The following ZNRF3 variants were observed in gnomAD, a reference collection of about 807,000 sequenced individuals.
ZNRF3 encodes the protein zinc and ring finger 3.
In ZNRF3, 23 loss-of-function variants were observed where a neutral mutation model predicts 72.5. The ratio of observed to expected loss-of-function variants is 0.32; its 90% CI spans 0.23 to 0.45. The LOEUF (loss-of-function observed/expected upper bound fraction) is 0.45, where lower values mean the gene tolerates loss of function less well. Ranked by LOEUF, ZNRF3 falls within the 20% of genes least tolerant of loss-of-function variation. ZNRF3 has a pLI of 1.00. For missense variants in ZNRF3, 1,169 were observed against 1,272.1 expected (o/e 0.92, Z 1.23); for synonymous variants, 610 against 545.3 (o/e 1.12, Z -1.65).
At chr22:28,969,553 G>A (rs2035533561) in intron 1 of ZNRF3, among the ~76,000 whole-genome samples, 2 of 152,116 alleles carry the variant, frequency 1.3e-5, no homozygotes, top group Non-Finnish European at 2.9e-5. Flanking sequence ...CTGGCATGTG[G>A]GAGGAACAGC....
rs188868894 is a variant in ZNRF3 at position 28,889,101 on chromosome 22, C to T, written c.300+5035C>T. On this transcript the variant is annotated intron_variant, in intron 1 of 8. Transcript: ENST00000544604. ...CTGCACTCCGGCTTGGGTGACAGAG[C>T]GAGACCCCGTCTCAAAAAAAAAAGA... Among the ~76,000 whole-genome samples the T allele has an allele frequency of 4.6e-3, 689 of 151,364 alleles. 2 individuals carry two copies. The highest frequency in any genetic ancestry group is 0.014 in the African/African-American group (570 of 41,190).
intron 1 of ZNRF3, among the ~76,000 whole-genome samples, chr22:28,896,108 G>A (rs541794141): frequency 4.6e-5 from 7 of 151,044 alleles, no homozygotes; most frequent in East Asian, 3.9e-4. Flanking sequence ...CCACCATCAC[G>A]CCCGGCTAAT....
At chr22:28,940,623 C>T (rs920732868) in intron 1 of ZNRF3, among the ~76,000 whole-genome samples, 8 of 152,086 alleles carry the variant, frequency 5.3e-5, no homozygotes, top group Non-Finnish European at 1.2e-4. Flanking sequence ...TCTTGCCCTC[C>T]CCTTCAGAGG....
intron 1 of ZNRF3, among the ~76,000 whole-genome samples, chr22:28,912,538 G>C (rs557376119): frequency 3.9e-5 from 6 of 152,212 alleles, no homozygotes; most frequent in Admixed American, 3.9e-4. Context: ...AGGGGAGGGA[G>C]GCTGAGGCTC....
At chr22:28,888,914 G>A (rs574761816) in intron 1 of ZNRF3, among the ~76,000 whole-genome samples, 3 of 152,054 alleles carry the variant, frequency 2.0e-5, no homozygotes, top group South Asian at 2.1e-4. Flanking sequence ...TCAGGAGTTC[G>A]AGACCAGCCT....
At chr22:29,020,946 A>T (rs972005843) in intron 2 of ZNRF3, among the ~76,000 whole-genome samples, 2 of 151,756 alleles carry the variant, frequency 1.3e-5, no homozygotes, top group African/African-American at 4.8e-5. Context: ...ACAGGCACCC[A>T]CCACCACGCC....
Position 29,044,813 on chromosome 22 carries a change from C to T in ZNRF3, c.667C>T (p.Leu223=). The T allele has an allele frequency of 1.2e-6, 2 of 1,614,152 alleles. No individual in the cohort carries two copies. Among genetic ancestry groups the T allele is most frequent in the Non-Finnish European group, 1.7e-6 (2 of 1,180,006 alleles). The change falls in exon 5 of 9, where the codon CTG becomes TTG. Residue 223 remains leucine (L), a synonymous_variant. Transcript: ENST00000544604. ...PTEYFDMGIF[L]AFFVVVSLVC... is the part of the protein sequence containing the mutation. ...TGAATACTTTGACATGGGGATTTTCCTGGCTTTCTTCGTCGTGGTCTCCTT... is the reference window on the plus strand; with the variant it reads ...TGAATACTTTGACATGGGGATTTTCTTGGCTTTCTTCGTCGTGGTCTCCTT...
rs146556199 is a variant in ZNRF3 at position 28,890,784 on chromosome 22, G to T, written c.300+6718G>T. ...TCTCTCTCTTTTTTTTTTTGTCAGG[G>T]TCTCACCATGTTGCCCAGGCTAGAG... is the stretch of plus-strand genomic sequence containing the variant. On this transcript the variant is annotated intron_variant, in intron 1 of 8. Coordinates refer to ENST00000544604, the MANE Select transcript of ZNRF3 (RefSeq NM_001206998.2). Among the ~76,000 whole-genome samples, 11 of 150,794 alleles carry T rather than the reference G, an allele frequency of 7.3e-5. No homozygotes were observed. The East Asian group carries it at 1.8e-3, about 24-fold the overall frequency.
At chr22:28,917,650 A>G (rs909825641) in intron 1 of ZNRF3, among the ~76,000 whole-genome samples, 2 of 152,194 alleles carry the variant, frequency 1.3e-5, no homozygotes, top group Non-Finnish European at 2.9e-5. Context: ...CAGCCTGGGC[A>G]ATAGTGAGAC....
At chr22:28,964,788 C>G (rs79880979) in intron 1 of ZNRF3, among the ~76,000 whole-genome samples, 3,036 of 152,364 alleles carry the variant, frequency 0.02, 96 homozygotes, top group African/African-American at 0.069. Flanking sequence ...CCGCAGCTCA[C>G]GCTGCGGTCA....
At chr22:28,918,483 G>A (rs559560296) in intron 1 of ZNRF3, among the ~76,000 whole-genome samples, 2 of 151,340 alleles carry the variant, frequency 1.3e-5, no homozygotes, top group African/African-American at 4.9e-5. Context: ...TGCATGTGTG[G>A]GTGCGTGCGT....
intron 1 of ZNRF3, among the ~76,000 whole-genome samples, chr22:28,971,314 G>A (rs1255724754): frequency 2.0e-5 from 3 of 152,036 alleles, no homozygotes; most frequent in African/African-American, 4.8e-5. Flanking sequence ...TAATTCCAGT[G>A]CTGACCACTT....
chr22:29,042,674 G>A (rs1341823218), intron 3 of ZNRF3, 105 bp downstream of exon 3: 6 of 1,026,518 alleles, frequency 5.8e-6, no homozygotes, highest in East Asian at 2.5e-5. Flanking sequence ...CAGAGCATTT[G>A]CTCTTGTCTT....
intron 5 of ZNRF3, 77 bp from the exon 6 acceptor site, chr22:29,046,639 T>C (rs918393960): frequency 1.2e-5 from 16 of 1,385,800 alleles, no homozygotes; most frequent in African/African-American, 1.0e-4. Flanking sequence ...TCCCAGTGAA[T>C]CGTGTGTCAT....
chr22:29,010,763 A>G (rs558919709), intron 2 of ZNRF3, among the ~76,000 whole-genome samples: 1 of 152,154 alleles, frequency 6.6e-6, no homozygotes. Flanking sequence ...TCCGCCTCCC[A>G]GGTTCAAGCA....
At chr22:29,021,237 A>AAAT (rs955313042) in intron 2 of ZNRF3, among the ~76,000 whole-genome samples, 40 of 151,780 alleles carry the variant, frequency 2.6e-4, no homozygotes, top group South Asian at 8.3e-4. Flanking sequence ...TGTCTCAAAA[A>AAAT]AAATAAATAA....
At chr22:28,927,777 C>A (rs1048981117) in intron 1 of ZNRF3, among the ~76,000 whole-genome samples, 2 of 152,198 alleles carry the variant, frequency 1.3e-5, no homozygotes, top group Non-Finnish European at 2.9e-5. Context: ...TCCCTCCTTA[C>A]GGGAGCTCAG....
rs773344855 is a variant in ZNRF3, at chr22:29,049,219, G to T, written c.1038G>T (p.Ala346=). Residue 346 remains alanine (A), a synonymous_variant, in exon 8 of 9, where the codon GCG becomes GCT. Coordinates refer to ENST00000544604, the MANE Select transcript of ZNRF3 (RefSeq NM_001206998.2). The surrounding 1 kb of genome is among the most constrained non-coding windows in gnomAD (Gnocchi z 5.2). ...CAGAACAAAAGGGAAACCCAAGCGC[G>T]GTGTGTGTGGAGACCAGCAACCTCT... ...NIIEQKGNPS[A]VCVETSNLSR... is the part of the protein sequence containing the mutation. 2 of 1,606,956 alleles carry T rather than the reference G, an allele frequency of 1.2e-6. No individual in the cohort carries two copies. The highest frequency in any genetic ancestry group is 8.5e-7 in the Non-Finnish European group (1 of 1,175,836).
intron 1 of ZNRF3, among the ~76,000 whole-genome samples, chr22:28,906,985 C>CTTTTTTTTT (rs1367720454): frequency 7.1e-6 from 1 of 140,424 alleles, no homozygotes; most frequent in African/African-American, 2.6e-5. Context: ...TTCTTTCTTT[C>CTTTTTTTTT]TTTTTTTTTT....
Sources: gnomAD v4.1 joint callset for allele counts (sites outside exome capture counted in the v4.1 genomes callset) on GRCh38, gnomAD v4.1.1 for gene constraint, Gnocchi (gnomAD v3.1) non-coding constraint, MANE v1.5 for transcripts, NCBI Gene and HGNC (gene_info 2026-07-23, HGNC 2026-07-21) for gene names.